LINGO2: variants seen among roughly 807,000 people sequenced by gnomAD.
The protein encoded by LINGO2 is leucine rich repeat and Ig domain containing 2.
A neutral mutation model predicts 30.6 loss-of-function variants in LINGO2; 14 were observed. That is an observed-to-expected ratio of 0.46 (90% confidence interval 0.30 to 0.72). LINGO2 has a LOEUF of 0.72. LINGO2 is among the 30% of genes least tolerant of loss of function. The probability of loss-of-function intolerance (pLI) is 0.07; values close to 1 mark genes in which losing one functional copy is unlikely to be tolerated. For missense variants in LINGO2, 729 were observed against 751.7 expected (o/e 0.97, Z 0.35); for synonymous variants, 317 against 288.5 (o/e 1.10, Z -1.00).
chr9:27,986,278 A>T (rs954066932), intron 5 of LINGO2, among the ~76,000 whole-genome samples: 1 of 151,722 alleles, frequency 6.6e-6, no homozygotes, highest in Non-Finnish European at 1.5e-5. Context: ...CAGAGCAGTT[A>T]ATCTTCAGGA....
chr9:27,973,198 CT>C (rs1383911612), intron 5 of LINGO2, among the ~76,000 whole-genome samples: 1 of 152,134 alleles, frequency 6.6e-6, no homozygotes, highest in East Asian at 1.9e-4. Flanking sequence ...CTTATTGATT[CT>C]GTTTCTCTGG....
At chr9:28,792,266 C>T in the LINGO2 span, among the ~76,000 whole-genome samples, 17 of 151,930 alleles carry the variant, frequency 1.1e-4, no homozygotes, top group South Asian at 1.0e-3. Context: ...AAGATCTTCA[C>T]CTCCACTCTT....
chr9:28,149,691 C>T (rs368440372), intron 4 of LINGO2, among the ~76,000 whole-genome samples: 97 of 148,104 alleles, frequency 6.5e-4, no homozygotes, highest in East Asian at 2.3e-3. Flanking sequence ...AAGTGAGGAA[C>T]GCTTCTGCCT....
intron 4 of LINGO2, among the ~76,000 whole-genome samples, chr9:28,175,482 G>A (rs553005830): frequency 1.3e-5 from 2 of 152,154 alleles, no homozygotes; most frequent in East Asian, 1.9e-4. Flanking sequence ...TTACCTCTTC[G>A]TGATTCAGAC....
chr9:28,864,495 G>A, the LINGO2 span, among the ~76,000 whole-genome samples: 1 of 152,052 alleles, frequency 6.6e-6, no homozygotes, highest in African/African-American at 2.4e-5. Flanking sequence ...AAAAAGAAAG[G>A]TTTCATTTAT....
At chr9:28,443,787 A>T (rs931981653) in intron 2 of LINGO2, among the ~76,000 whole-genome samples, 1 of 152,094 alleles carries the variant, frequency 6.6e-6, no homozygotes, top group Non-Finnish European at 1.5e-5. Context: ...GAGCACCACA[A>T]ACAGCACGTT....
intron 1 of LINGO2, among the ~76,000 whole-genome samples, chr9:28,496,987 G>C (rs903220279): frequency 1.1e-4 from 16 of 152,244 alleles, no homozygotes; most frequent in East Asian, 3.9e-4. Flanking sequence ...AATATTGGCC[G>C]CCACTCTCTT....
chr9:28,472,855 T>C, intron 2 of LINGO2, among the ~76,000 whole-genome samples: 1 of 152,286 alleles, frequency 6.6e-6, no homozygotes, highest in Admixed American at 6.5e-5. Context: ...CAAAGACAGA[T>C]ATCATTCTTC....
the LINGO2 span, among the ~76,000 whole-genome samples, chr9:29,168,825 T>A: frequency 6.6e-6 from 1 of 152,236 alleles, no homozygotes. Context: ...GAAACTTTAG[T>A]CTGCTCCCTA....
Position 28,404,263 on chromosome 9 carries a change from G to A in LINGO2, c.-278-31395C>T, listed in dbSNP as rs1822399654. Among the ~76,000 whole-genome samples the A allele has an allele frequency of 3.3e-5, 5 of 151,246 alleles. 1 individual carries two copies. In the South Asian group the frequency reaches 1.0e-3, roughly 32 times the overall value. ...TCATTGCTTATTTCTGTACTTTTTTGTATTATTAAAACAATATGTTGCTCT... is the reference window on the plus strand; with the variant it reads ...TCATTGCTTATTTCTGTACTTTTTTATATTATTAAAACAATATGTTGCTCT... On this transcript the variant is annotated intron_variant, in intron 2 of 5. Transcript: ENST00000379992.
chr9:28,749,040 T>G, the LINGO2 span, among the ~76,000 whole-genome samples: 1 of 151,984 alleles, frequency 6.6e-6, no homozygotes, highest in South Asian at 2.1e-4. Context: ...GCAAAAATAA[T>G]ATAATGTCTA....
chr9:28,898,548 TTAA>T, the LINGO2 span, among the ~76,000 whole-genome samples: 1 of 152,204 alleles, frequency 6.6e-6, no homozygotes, highest in Non-Finnish European at 1.5e-5. Context: ...TCTACTGGTA[TTAA>T]ATGAAAATCT....
intron 3 of LINGO2, among the ~76,000 whole-genome samples, chr9:28,313,831 G>T (rs1824726025): frequency 6.6e-6 from 1 of 152,172 alleles, no homozygotes; most frequent in Non-Finnish European, 1.5e-5. Flanking sequence ...ATGGTACTTT[G>T]TATGTGTCTC....
At chr9:28,525,759 A>T (rs1820999858) in intron 1 of LINGO2, among the ~76,000 whole-genome samples, 1 of 152,112 alleles carries the variant, frequency 6.6e-6, no homozygotes, top group Non-Finnish European at 1.5e-5. Context: ...TATGTTTTTT[A>T]AAACGCCATT....
At chr9:28,657,593 A>C (rs1359376699) in intron 1 of LINGO2, among the ~76,000 whole-genome samples, 1 of 152,034 alleles carries the variant, frequency 6.6e-6, no homozygotes, top group East Asian at 1.9e-4. Context: ...TAAAATAAGT[A>C]GTAATATTCC....
the LINGO2 span, among the ~76,000 whole-genome samples, chr9:29,117,121 T>G: frequency 6.6e-6 from 1 of 152,144 alleles, no homozygotes; most frequent in African/African-American, 2.4e-5. Context: ...AGTAGGAACT[T>G]CTCATAGGTC....
chr9:29,197,373 A>G, the LINGO2 span, among the ~76,000 whole-genome samples: 3 of 152,090 alleles, frequency 2.0e-5, no homozygotes, highest in Non-Finnish European at 4.4e-5. Context: ...GGATGGTTCA[A>G]AAGTATTCTG....
the LINGO2 span, among the ~76,000 whole-genome samples, chr9:29,119,206 A>C: frequency 6.6e-6 from 1 of 152,318 alleles, no homozygotes; most frequent in Admixed American, 6.5e-5. Context: ...GATCACATTA[A>C]ACTAAAAAGC....
At chr9:29,170,643 G>A in the LINGO2 span, among the ~76,000 whole-genome samples, 1 of 151,934 alleles carries the variant, frequency 6.6e-6, no homozygotes, top group African/African-American at 2.4e-5. Context: ...AAAGTTTAAA[G>A]ACATCATGTA....
Sources: gnomAD v4.1 joint callset for allele counts (sites outside exome capture counted in the v4.1 genomes callset) on GRCh38, gnomAD v4.1.1 for gene constraint, MANE v1.5 for transcripts, NCBI Gene and HGNC (gene_info 2026-07-23, HGNC 2026-07-21) for gene names.